The following CHD7 variants were observed in gnomAD, a reference collection of about 807,000 sequenced individuals.
CHD7 encodes the protein ATP-dependent chromatin remodeler CHD7.
Under a neutral mutation model 307.3 loss-of-function variants are expected in CHD7, and 24 were observed. The observed-to-expected ratio is 0.08, with a 90% CI of 0.06 to 0.11. The LOEUF (loss-of-function observed/expected upper bound fraction) is 0.11, where lower values mean the gene tolerates loss of function less well. CHD7 is among the 10% of genes least tolerant of loss of function. The pLI is 1.00. For synonymous variants in CHD7, 1,363 were observed against 1,349.9 expected (o/e 1.01, Z -0.21); for missense variants, 3,106 against 3,727.1 (o/e 0.83, Z 4.34).
chr8:60,820,159 G>A, intron 9 of CHD7, 69 bp downstream of exon 9: 1 of 1,005,700 alleles, frequency 9.9e-7, no homozygotes, highest in Admixed American at 2.0e-5. Context: ...AGAGAAGATG[G>A]TAGAATCCTA....
intron 1 of CHD7, among the ~76,000 whole-genome samples, chr8:60,697,030 T>C (rs560637683): frequency 6.6e-6 from 1 of 152,336 alleles, no homozygotes; most frequent in East Asian, 1.9e-4. Flanking sequence ...ATTTGATTAA[T>C]ATTAACTGCA....
chr8:60,797,313 T>G (rs1267584889), intron 4 of CHD7, among the ~76,000 whole-genome samples: 1 of 152,208 alleles, frequency 6.6e-6, no homozygotes, highest in Admixed American at 6.5e-5. Context: ...TTTTGGGGTG[T>G]TTTTACATAG....
intron 1 of CHD7, among the ~76,000 whole-genome samples, chr8:60,735,282 C>A (rs188793895): frequency 6.6e-6 from 1 of 152,246 alleles, no homozygotes; most frequent in East Asian, 1.9e-4. Context: ...ATAGCGAATG[C>A]TAACATAAGG....
At chr8:60,764,377 T>C (rs1810369206) in intron 2 of CHD7, among the ~76,000 whole-genome samples, 1 of 152,206 alleles carries the variant, frequency 6.6e-6, no homozygotes, top group African/African-American at 2.4e-5. Context: ...CCATTTTGAA[T>C]TAAAAAGAAG....
At chr8:60,781,544 C>A in intron 3 of CHD7, 114 bp downstream of exon 3, 1 of 1,357,572 alleles carries the variant, frequency 7.4e-7, no homozygotes, top group Non-Finnish European at 9.7e-7. Context: ...TTTTTGTCAT[C>A]ATTGAGTTTC....
At chr8:60,841,790 C>G (rs71640287) in intron 20 of CHD7, 36 bp downstream of exon 20, 12 of 1,608,036 alleles carry the variant, frequency 7.5e-6, no homozygotes, top group South Asian at 2.2e-5. Flanking sequence ...CCTATCTGAT[C>G]TAAACCAAGA....
intron 2 of CHD7, among the ~76,000 whole-genome samples, chr8:60,774,848 C>A (rs1200993264): frequency 6.6e-6 from 1 of 152,110 alleles, no homozygotes; most frequent in East Asian, 1.9e-4. Flanking sequence ...ATAGAAACAC[C>A]ACAGCATAGT....
intron 1 of CHD7, among the ~76,000 whole-genome samples, chr8:60,704,227 A>G (rs566074853): frequency 2.0e-5 from 3 of 152,282 alleles, no homozygotes; most frequent in Non-Finnish European, 2.9e-5. Flanking sequence ...GTATTCATGT[A>G]TATCTGTGGG....
chr8:60,785,024 T>C (rs1811430884), intron 3 of CHD7, among the ~76,000 whole-genome samples: 1 of 152,176 alleles, frequency 6.6e-6, no homozygotes, highest in South Asian at 2.1e-4. Context: ...CATTTGTGGG[T>C]TGGAGAGGAT....
chr8:60,781,459 A>G lies in CHD7; in HGVS notation c.2096+29A>G, dbSNP rs1811228121. ...GGCTGTGGGCAGAAAAAACAACTGC[A>G]AAACATTGAGAGTACAGAAATTAGC... On this transcript the variant is annotated intron_variant, in intron 3 of 37. Transcript: ENST00000423902. The G allele has an allele frequency of 4.7e-6, 7 of 1,503,126 alleles. No individual in the cohort carries two copies. In the South Asian group the frequency reaches 9.4e-5, roughly 20 times the overall value. 93.1% of individuals were successfully genotyped at this position (1,503,126 alleles called of 1,614,324 possible).
intron 37 of CHD7, chr8:60,864,057 T>C (rs926077743): frequency 6.6e-6 from 1 of 152,048 alleles, no homozygotes; most frequent in Non-Finnish European, 1.5e-5. Flanking sequence ...TTGACAGATA[T>C]TTAATTGACA....
intron 23 of CHD7, among the ~76,000 whole-genome samples, chr8:60,846,084 C>T (rs1170525416): frequency 1.3e-5 from 2 of 152,174 alleles, no homozygotes; most frequent in Non-Finnish European, 1.5e-5. Context: ...GTATATGCCA[C>T]GTTTTGTTTG....
chr8:60,854,554 T>C, intron 32 of CHD7, 31 bp downstream of exon 32: 1 of 1,557,918 alleles, frequency 6.4e-7, no homozygotes, highest in Non-Finnish European at 8.7e-7. Flanking sequence ...GTTGTTTTGC[T>C]GACCAAAAAG....
intron 3 of CHD7, among the ~76,000 whole-genome samples, chr8:60,790,263 CA>C (rs1811707000): frequency 6.6e-6 from 1 of 152,140 alleles, no homozygotes; most frequent in Admixed American, 6.5e-5. Flanking sequence ...TTTAGCCTCA[CA>C]AGTGGATGGC....
intron 16 of CHD7, among the ~76,000 whole-genome samples, chr8:60,836,520 G>A (rs1563643682): frequency 6.6e-6 from 1 of 152,114 alleles, no homozygotes; most frequent in Non-Finnish European, 1.5e-5. Flanking sequence ...TTTGAGTAGG[G>A]GAGAATAGTT....
chr8:60,826,404 G>T (rs892425142), intron 13 of CHD7, among the ~76,000 whole-genome samples: 1 of 152,180 alleles, frequency 6.6e-6, no homozygotes, highest in Non-Finnish European at 1.5e-5. Flanking sequence ...TGAACAGCTC[G>T]TTGTCTGGTC....
At chr8:60,780,846 A>G (rs933276798) in intron 2 of CHD7, among the ~76,000 whole-genome samples, 154 bp from the exon 3 acceptor site, 4 of 152,100 alleles carry the variant, frequency 2.6e-5, no homozygotes, top group African/African-American at 9.7e-5. Flanking sequence ...TTTTTGGATG[A>G]GAGAAGCTGA....
At chr8:60,823,400 TAGATAGATAG>T (rs1804132532) in intron 12 of CHD7, among the ~76,000 whole-genome samples, 2 of 93,790 alleles carry the variant, frequency 2.1e-5, no homozygotes, top group Admixed American at 9.8e-5. Flanking sequence ...TATATATAGA[TAGATAGATAG>T]ATAGATAGAT....
intron 23 of CHD7, among the ~76,000 whole-genome samples, chr8:60,847,391 C>G (rs1263748186): frequency 3.9e-5 from 6 of 152,202 alleles, no homozygotes; most frequent in Admixed American, 3.9e-4. Context: ...AGATTTGTCA[C>G]TTATCTTCTG....
Sources: gnomAD v4.1 joint callset for allele counts (sites outside exome capture counted in the v4.1 genomes callset) on GRCh38, gnomAD v4.1.1 for gene constraint, MANE v1.5 for transcripts, NCBI Gene and HGNC (gene_info 2026-07-23, HGNC 2026-07-21) for gene names.